The following EXOC4 variants were observed in gnomAD, a reference collection of about 807,000 sequenced individuals.
EXOC4 encodes SEC8-like 1.
A neutral mutation model predicts 107.2 loss-of-function variants in EXOC4; 71 were observed. The observed-to-expected ratio is 0.66, with a 90% CI of 0.55 to 0.81. The LOEUF (loss-of-function observed/expected upper bound fraction) is 0.81, where lower values mean the gene tolerates loss of function less well. Ranked by LOEUF, EXOC4 falls within the 30% of genes least tolerant of loss-of-function variation. EXOC4 has a pLI of 0.00. For missense variants in EXOC4, 1,108 were observed against 1,189.6 expected, an observed-to-expected ratio of 0.93 and a Z score of 1.01; for synonymous variants, 456 against 441.2, an observed-to-expected ratio of 1.03 and a Z score of -0.42.
Position 133,342,088 on chromosome 7 carries a change from G to A in EXOC4, c.764-14242G>A, listed in dbSNP as rs192236144. Among the ~76,000 whole-genome samples the A allele has an allele frequency of 2.3e-3, 343 of 151,886 alleles. 2 individuals carry two copies. Among genetic ancestry groups the A allele is most frequent in the Admixed American group, 3.7e-3 (56 of 15,276 alleles). ...CTATTCATCATGCTATTTGTTGCCT[G>A]AATACCTTGGTTTTTTTTTTTCATT... On this transcript the variant is annotated intron_variant, in intron 5 of 17. Transcript: ENST00000253861.
At chr7:133,369,259 G>T (rs1378982283) in intron 6 of EXOC4, among the ~76,000 whole-genome samples, 1 of 152,144 alleles carries the variant, frequency 6.6e-6, no homozygotes, top group African/African-American at 2.4e-5. Context: ...CTTATTCTTT[G>T]CTGCATCAGA....
chr7:133,306,017 G>A lies in EXOC4; in HGVS notation c.612G>A (p.Ser204=). Residue 204 remains serine, a synonymous_variant, in exon 4 of 18, where the codon TCG becomes TCA. Coordinates refer to ENST00000253861, the MANE Select transcript of EXOC4 (RefSeq NM_021807.4). ...TACACCGGCACCTGTACATCAAATC[G>A]ACTAGCCGAGTTGTGCAGCGTAACA... ...DELHRHLYIK[S]TSRVVQRNKE... 2.5e-6 allele frequency: 4 copies of A among 1,613,548 alleles called. No homozygotes were observed. The highest frequency in any genetic ancestry group is 3.4e-6 in the Non-Finnish European group (4 of 1,179,746).
chr7:133,717,365 A>C (rs1440318246), intron 10 of EXOC4, among the ~76,000 whole-genome samples: 2 of 152,178 alleles, frequency 1.3e-5, no homozygotes, highest in Non-Finnish European at 2.9e-5. Flanking sequence ...ATTCAGTTGT[A>C]AGTGTTTTCT....
intron 7 of EXOC4, among the ~76,000 whole-genome samples, chr7:133,400,697 G>A (rs1296996201): frequency 1.3e-5 from 2 of 152,104 alleles, no homozygotes; most frequent in Admixed American, 6.5e-5. Context: ...GCACTTGTCC[G>A]TAACAACTAT....
Position 133,853,994 on chromosome 7 carries a change from C to A in EXOC4, c.1734+36450C>A, listed in dbSNP as rs75017917. On this transcript the variant is annotated intron_variant, in intron 11 of 17. Transcript: ENST00000253861. ...GGTGAGTCAAAAACATTGACTGTTT[C>A]CATTTGCCCTCTGGAGGCAGTGTTT... 2.0e-3 allele frequency among the ~76,000 whole-genome samples: 307 copies of A among 152,254 alleles called. 3 individuals are homozygous for A. Among genetic ancestry groups the A allele is most frequent in the African/African-American group, 7.1e-3 (296 of 41,550 alleles).
intron 10 of EXOC4, among the ~76,000 whole-genome samples, chr7:133,759,983 C>A (rs1372046964): frequency 6.6e-6 from 1 of 152,160 alleles, no homozygotes; most frequent in Admixed American, 6.5e-5. Flanking sequence ...TCAGTTTTGA[C>A]TCTCCACGTC....
chr7:133,428,292 C>T (rs1488082604), intron 7 of EXOC4, among the ~76,000 whole-genome samples: 1 of 152,176 alleles, frequency 6.6e-6, no homozygotes, highest in Non-Finnish European at 1.5e-5. Flanking sequence ...CTGGTCAAGG[C>T]CAACCACACT....
the EXOC4 span, among the ~76,000 whole-genome samples, chr7:134,090,929 C>T: frequency 6.6e-6 from 1 of 151,886 alleles, no homozygotes; most frequent in East Asian, 1.9e-4. Context: ...ACTCTAACTC[C>T]TGTAAGTTGA....
At chr7:133,886,039 C>A (rs1300456295) in intron 11 of EXOC4, among the ~76,000 whole-genome samples, 1 of 152,086 alleles carries the variant, frequency 6.6e-6, no homozygotes, top group Non-Finnish European at 1.5e-5. Flanking sequence ...CCTCATGTGT[C>A]CTTAAGCATG....
chr7:133,437,490 T>TGTGA (rs1798003055), intron 7 of EXOC4, among the ~76,000 whole-genome samples: 2 of 152,238 alleles, frequency 1.3e-5, no homozygotes, highest in Admixed American at 1.3e-4. Context: ...GAAGAATGCC[T>TGTGA]GTGACCTCAT....
intron 10 of EXOC4, among the ~76,000 whole-genome samples, chr7:133,635,566 C>CAAT (rs1802687890): frequency 6.6e-6 from 1 of 152,060 alleles, no homozygotes; most frequent in Non-Finnish European, 1.5e-5. Flanking sequence ...CTTCCTGGAC[C>CAAT]AATAAGGTAT....
chr7:133,521,691 C>T (rs556031769), intron 9 of EXOC4, among the ~76,000 whole-genome samples: 5 of 152,096 alleles, frequency 3.3e-5, no homozygotes, highest in African/African-American at 1.2e-4. Flanking sequence ...GCAGTCTTGG[C>T]TCACTGCAAC....
intron 5 of EXOC4, among the ~76,000 whole-genome samples, chr7:133,345,918 T>G (rs1795773664): frequency 6.6e-6 from 1 of 152,134 alleles, no homozygotes; most frequent in Admixed American, 6.5e-5. Context: ...TTAGTTAACA[T>G]TTTTGAAGTA....
chr7:133,265,903 T>C (rs1312257164), intron 1 of EXOC4, among the ~76,000 whole-genome samples: 1 of 152,172 alleles, frequency 6.6e-6, no homozygotes, highest in Non-Finnish European at 1.5e-5. Flanking sequence ...AGCTAATTCT[T>C]GTGGATTTGC....
chr7:133,597,740 T>A (rs529558197), intron 9 of EXOC4, among the ~76,000 whole-genome samples: 1 of 151,756 alleles, frequency 6.6e-6, no homozygotes, highest in South Asian at 2.1e-4. Context: ...TTAAAAGTGA[T>A]GTCATCACAC....
chr7:133,979,331 ATCT>A (rs933618524), intron 14 of EXOC4, among the ~76,000 whole-genome samples: 2 of 152,086 alleles, frequency 1.3e-5, no homozygotes, highest in African/African-American at 4.8e-5. Context: ...CACTCAAGTA[ATCT>A]TCTTCCCTTC....
chr7:133,279,265 T>G (rs1309228465), intron 2 of EXOC4, among the ~76,000 whole-genome samples: 1 of 152,192 alleles, frequency 6.6e-6, no homozygotes, highest in Admixed American at 6.5e-5. Context: ...TTGTGAATAG[T>G]GCCGCAATAA....
At chr7:133,826,872 C>G (rs536703849) in intron 11 of EXOC4, among the ~76,000 whole-genome samples, 1 of 152,264 alleles carries the variant, frequency 6.6e-6, no homozygotes, top group South Asian at 2.1e-4. Context: ...CACCCACATA[C>G]TCACCACCCG....
At chr7:134,071,383 G>C (rs1796271230), downstream of EXOC4, among the ~76,000 whole-genome samples, 1 of 152,136 alleles carries the variant, frequency 6.6e-6, no homozygotes, top group Non-Finnish European at 1.5e-5. Context: ...CTTTATTTCA[G>C]GAAGCCAGCA....
Sources: gnomAD v4.1 joint callset for allele counts (sites outside exome capture counted in the v4.1 genomes callset) on GRCh38, gnomAD v4.1.1 for gene constraint, MANE v1.5 for transcripts, NCBI Gene and HGNC (gene_info 2026-07-23, HGNC 2026-07-21) for gene names.